Variants in HSD17B13 observed in about 807,000 individuals in gnomAD.
The protein encoded by HSD17B13 is 17-beta-hydroxysteroid dehydrogenase 13.
HSD17B13 carries 26 observed loss-of-function variants against 31.1 expected under a neutral mutation model. That is an observed-to-expected ratio of 0.84 (90% CI 0.61 to 1.16). The LOEUF is 1.16. Among genes scored for constraint, HSD17B13 ranks in the 50% most tolerant of loss-of-function variants. HSD17B13 has a pLI of 0.00. For synonymous variants in HSD17B13, 141 were observed against 133.7 expected, an observed-to-expected ratio of 1.05 and a Z score of -0.38; for missense variants, 374 against 366.5, an observed-to-expected ratio of 1.02 and a Z score of -0.17.
intron 5 of HSD17B13, among the ~76,000 whole-genome samples, chr4:87,312,755 A>C (rs1734562669): frequency 6.6e-6 from 1 of 151,238 alleles, no homozygotes; most frequent in African/African-American, 2.4e-5. Flanking sequence ...ATGACCTTTA[A>C]TTCTTTAAAA....
In HSD17B13 at chr4:87,322,660, C is replaced by G; in HGVS notation, c.182G>C (p.Ser61Thr). The stretch of plus-strand genomic sequence containing the variant: ...ATTAATATCCCACAGAACCAATATG[C>G]TCTGTCGTTTTGCAAATTCATAAGT... ...QTTYEFAKRQ[S>T]ILVLWDINKR... The change falls in exon 1 of 7, where the codon AGC (serine) becomes ACC (threonine). Residue 61 changes from serine to threonine, a missense_variant. Coordinates refer to ENST00000328546, the MANE Select transcript of HSD17B13 (RefSeq NM_178135.5). The G allele has an allele frequency of 6.2e-7, 1 of 1,613,214 alleles. No homozygotes were observed. The highest frequency in any genetic ancestry group is 2.2e-5 in the East Asian group (1 of 44,886).
intron 6 of HSD17B13, among the ~76,000 whole-genome samples, chr4:87,309,384 C>CAA (rs369280214): frequency 0.072 from 3,583 of 49,920 alleles, 567 homozygotes; most frequent in Non-Finnish European, 0.1. Context: ...AACTCTGTCT[C>CAA]AAAAAAAAAA....
intron 1 of HSD17B13, among the ~76,000 whole-genome samples, chr4:87,320,018 C>G (rs1301163097): frequency 6.6e-6 from 1 of 152,180 alleles, no homozygotes; most frequent in East Asian, 1.9e-4. Context: ...CTGAAAAGCC[C>G]TATTCTTCGT....
rs377103333 is a variant in HSD17B13, at chr4:87,315,482, G to A, written c.557+11C>T. On this transcript the variant is annotated intron_variant, in intron 4 of 6. Transcript: ENST00000328546. ...TAAAAATATATAACATGGCTGGCAT[G>A]TGATACTTACCAATATGGGATGAGG... 7.7e-5 allele frequency: 116 copies of A among 1,504,532 alleles called. 1 individual carries two copies. The African/African-American group carries it at 1.3e-3, about 16-fold the overall frequency. The allele number at this position is 1,504,532 out of a possible 1,614,324, so 93.2% of individuals were successfully genotyped here.
rs115945492 is a variant in HSD17B13 at position 87,319,433 on chromosome 4, C to G, written c.211-997G>C. Among the ~76,000 whole-genome samples, 87 of 152,304 alleles carry G rather than the reference C, an allele frequency of 5.7e-4. 1 individual carries two copies. The highest frequency in any genetic ancestry group is 9.8e-4 in the Admixed American group (15 of 15,308). On this transcript the variant is annotated intron_variant, in intron 1 of 6. Coordinates refer to ENST00000328546, the MANE Select transcript of HSD17B13 (RefSeq NM_178135.5). The stretch of plus-strand genomic sequence containing the variant: ...AACATTCTTGAAAAACATTGCTCTT[C>G]GTGGTGTCATGGAAGATGAATATGG...
At position 87,304,817 on chromosome 4, in the gene HSD17B13, A is replaced by T. The variant is rs1459621970; in HGVS notation, c.*401T>A. The T allele has an allele frequency of 1.3e-5, 2 of 153,652 alleles. No individual in the cohort carries two copies. The highest frequency in any genetic ancestry group is 3.8e-4 in the East Asian group (2 of 5,262). The allele number at this position is 153,652 out of a possible 1,614,324, so 9.5% of individuals were successfully genotyped here. A position where few individuals can be genotyped will look rare whatever the true frequency, so the allele number is the denominator to read the frequency against. On this transcript the variant is annotated 3_prime_UTR_variant, in exon 7 of 7. Transcript: ENST00000328546. The stretch of plus-strand genomic sequence containing the variant: ...GTGCACTCATTCTGTGTTCTTGTTG[A>T]TATTCTGTGGCATGGCTACAGATTG...
intron 1 of HSD17B13, 56 bp from the exon 2 acceptor site, chr4:87,318,492 G>A: frequency 2.0e-6 from 3 of 1,463,950 alleles, no homozygotes; most frequent in Non-Finnish European, 2.9e-6. Context: ...CATTGGAGAA[G>A]AAAAATTTTT....
intron 5 of HSD17B13, among the ~76,000 whole-genome samples, chr4:87,312,893 CTACTAAAAA>C (rs1467445631): frequency 6.6e-6 from 1 of 151,652 alleles, no homozygotes; most frequent in Non-Finnish European, 1.5e-5. Context: ...AACCCCGTCT[CTACTAAAAA>C]TACAAAAATT....
intron 3 of HSD17B13, among the ~76,000 whole-genome samples, chr4:87,316,802 A>G (rs550843245): frequency 6.6e-6 from 1 of 152,330 alleles, no homozygotes; most frequent in South Asian, 2.1e-4. Flanking sequence ...ACAACCCTTA[A>G]CAAACCTCCA....
At chr4:87,315,641 C>T (rs72873689) in intron 3 of HSD17B13, 42 bp from the exon 4 acceptor site, 90 of 1,241,828 alleles carry the variant, frequency 7.2e-5, no homozygotes, top group African/African-American at 4.0e-4. Flanking sequence ...ATGACATAGA[C>T]GTTAGGTTTC....
At chr4:87,306,490 T>C (rs1437969895) in intron 6 of HSD17B13, among the ~76,000 whole-genome samples, 1 of 152,100 alleles carries the variant, frequency 6.6e-6, no homozygotes, top group Non-Finnish European at 1.5e-5. Flanking sequence ...TATTGAAAAA[T>C]ATCAGCCATC....
intron 1 of HSD17B13, among the ~76,000 whole-genome samples, chr4:87,320,379 TCA>T (rs1734752053): frequency 7.2e-6 from 1 of 138,096 alleles, no homozygotes; most frequent in East Asian, 2.2e-4. Flanking sequence ...TAATTATTCT[TCA>T]GTTTTTTTTT....
intron 6 of HSD17B13, among the ~76,000 whole-genome samples, chr4:87,306,735 T>C (rs923418095): frequency 7.3e-5 from 11 of 151,362 alleles, no homozygotes; most frequent in African/African-American, 2.7e-4. Flanking sequence ...TGAAACCCTG[T>C]CTCTACTAAA....
intron 5 of HSD17B13, among the ~76,000 whole-genome samples, chr4:87,311,376 A>C (rs6531974): frequency 0.13 from 19,966 of 152,122 alleles, 2,857 homozygotes; most frequent in African/African-American, 0.36. Context: ...GCCCCGAATT[A>C]TTTCTTGCGA....
At chr4:87,305,987 C>G (rs1378980871) in intron 6 of HSD17B13, among the ~76,000 whole-genome samples, 1 of 152,152 alleles carries the variant, frequency 6.6e-6, no homozygotes, top group East Asian at 1.9e-4. Flanking sequence ...AGAGAGTAAT[C>G]AGTTTTCCTC....
chr4:87,313,999 G>A (rs1277881478), intron 4 of HSD17B13, 39 bp from the exon 5 acceptor site: 11 of 1,445,458 alleles, frequency 7.6e-6, no homozygotes, highest in Non-Finnish European at 1.0e-5. Flanking sequence ...CTAAGGGAGA[G>A]TGAAACCAAT....
At chr4:87,308,769 A>T (rs1316054685) in intron 6 of HSD17B13, among the ~76,000 whole-genome samples, 1 of 151,292 alleles carries the variant, frequency 6.6e-6, no homozygotes, top group Non-Finnish European at 1.5e-5. Flanking sequence ...GTACAAATTT[A>T]TGCCAAAGAA....
intron 5 of HSD17B13, among the ~76,000 whole-genome samples, chr4:87,312,721 CG>C (rs1734561686): frequency 6.6e-6 from 1 of 151,002 alleles, no homozygotes; most frequent in African/African-American, 2.4e-5. Flanking sequence ...TTAGTAGAGA[CG>C]GGGTTTCACT....
At position 87,305,293 on chromosome 4, in the gene HSD17B13, G is replaced by T; in HGVS notation, c.828C>A (p.Arg276=). 1 of 1,601,696 alleles carries T rather than the reference G, an allele frequency of 6.2e-7. No homozygotes were observed. Residue 276 remains arginine, a synonymous_variant, in exon 7 of 7, where the codon CGC becomes CGA. Transcript: ENST00000328546. ...FLRLQKFLPE[R]ASAILNRMQN... ...GCATACGATTTAAAATCGCTGAGGC[G>T]CGTTCAGGAAGAAACCTGTACAAAA...
Sources: gnomAD v4.1 joint callset for allele counts (sites outside exome capture counted in the v4.1 genomes callset) on GRCh38, gnomAD v4.1.1 for gene constraint, MANE v1.5 for transcripts, NCBI Gene and HGNC (gene_info 2026-07-23, HGNC 2026-07-21) for gene names.